RASA2: variants seen among roughly 807,000 people sequenced by gnomAD.
RASA2 encodes the protein ras GTPase-activating protein 2.
RASA2 carries 155 observed loss-of-function variants against 118.2 expected under a neutral mutation model. The observed-to-expected ratio is 1.31, with a 90% CI of 1.15 to 1.50. The LOEUF is 1.50. RASA2 is among the 40% of genes most tolerant of loss of function. The pLI is 0.00. For synonymous variants in RASA2, 353 were observed against 349.1 expected (o/e 1.01, Z -0.12); for missense variants, 1,016 against 1,009.6 (o/e 1.01, Z -0.09).
At chr3:141,527,156 TA>T (rs919086937) in intron 3 of RASA2, among the ~76,000 whole-genome samples, 7 of 152,326 alleles carry the variant, frequency 4.6e-5, no homozygotes, top group African/African-American at 1.7e-4. Context: ...GTCAAACCAA[TA>T]AACTCCTAAA....
intron 15 of RASA2, among the ~76,000 whole-genome samples, chr3:141,578,207 A>G (rs1423700629): frequency 1.3e-5 from 2 of 152,216 alleles, no homozygotes; most frequent in African/African-American, 2.4e-5. Flanking sequence ...TTCCAAGCTC[A>G]CACAACTGAC....
chr3:141,519,725 T>C (rs2082082547), intron 3 of RASA2, among the ~76,000 whole-genome samples: 1 of 152,156 alleles, frequency 6.6e-6, no homozygotes, highest in African/African-American at 2.4e-5. Context: ...TGATTATAGA[T>C]CACCCTTGAA....
chr3:141,538,631 A>T (rs1318052869), intron 4 of RASA2, among the ~76,000 whole-genome samples: 1 of 152,158 alleles, frequency 6.6e-6, no homozygotes, highest in East Asian at 1.9e-4. Flanking sequence ...AATTTCCTTA[A>T]TTTAACTCAT....
chr3:141,566,964 C>T (rs1392410084), intron 9 of RASA2, among the ~76,000 whole-genome samples: 1 of 152,100 alleles, frequency 6.6e-6, no homozygotes, highest in Non-Finnish European at 1.5e-5. Flanking sequence ...TGGGTTCAAA[C>T]AGCAATGCTT....
chr3:141,498,331 G>A (rs1398248874), intron 1 of RASA2, among the ~76,000 whole-genome samples: 1 of 152,206 alleles, frequency 6.6e-6, no homozygotes, highest in Non-Finnish European at 1.5e-5. Flanking sequence ...CTGCCTGTGA[G>A]ATGATATATT....
chr3:141,590,942 A>G (rs2083277313), intron 19 of RASA2, among the ~76,000 whole-genome samples: 1 of 152,238 alleles, frequency 6.6e-6, no homozygotes, highest in African/African-American at 2.4e-5. Flanking sequence ...GCAACTAATC[A>G]GTAGAGTTAA....
chr3:141,562,681 C>CT (rs201152518), intron 9 of RASA2, among the ~76,000 whole-genome samples: 18,974 of 144,754 alleles, frequency 0.13, 1,735 homozygotes, highest in East Asian at 0.24. Flanking sequence ...TAACGTTAAA[C>CT]TTTTTTTTTT....
chr3:141,569,847 A>G lies in RASA2; in HGVS notation c.864-1065A>G, dbSNP rs556747509. On this transcript the variant is annotated intron_variant, in intron 9 of 23. Coordinates refer to ENST00000286364, the MANE Select transcript of RASA2 (RefSeq NM_006506.5). ...ACCATCTTTGTGTTTGTGCATACCC[A>G]GTGTTCAGCTCCCACTTACAAGTGA... 1.1e-4 allele frequency among the ~76,000 whole-genome samples: 17 copies of G among 151,522 alleles called. No homozygotes were observed. In the East Asian group the frequency reaches 2.9e-3, roughly 26 times the overall value.
At chr3:141,521,325 T>C (rs1347802829) in intron 3 of RASA2, among the ~76,000 whole-genome samples, 1 of 151,978 alleles carries the variant, frequency 6.6e-6, no homozygotes, top group Non-Finnish European at 1.5e-5. Flanking sequence ...ATGGGAGAGA[T>C]TAATGTCAGA....
chr3:141,603,889 T>C (rs2083505609), intron 19 of RASA2, among the ~76,000 whole-genome samples: 1 of 152,242 alleles, frequency 6.6e-6, no homozygotes, highest in African/African-American at 2.4e-5. Flanking sequence ...GTTTTGGAGG[T>C]TCATTCATGT....
intron 19 of RASA2, chr3:141,600,501 C>A: frequency 3.1e-6 from 1 of 320,138 alleles, no homozygotes; most frequent in East Asian, 8.9e-5. Flanking sequence ...TCACAGCCTT[C>A]ATGCAGGTGG....
At chr3:141,595,333 A>T (rs2083349657) in intron 19 of RASA2, among the ~76,000 whole-genome samples, 1 of 152,222 alleles carries the variant, frequency 6.6e-6, no homozygotes, top group African/African-American at 2.4e-5. Context: ...AAAAAGCAAG[A>T]TCCAATAATA....
intron 9 of RASA2, among the ~76,000 whole-genome samples, chr3:141,566,422 A>G (rs980661163): frequency 1.3e-5 from 2 of 152,248 alleles, no homozygotes; most frequent in East Asian, 3.8e-4. Context: ...GGAGGTAGAG[A>G]TAAGAGTTAA....
chr3:141,553,728 A>G, intron 5 of RASA2, 129 bp from the exon 6 acceptor site: 1 of 1,443,358 alleles, frequency 6.9e-7, no homozygotes. Context: ...GGTAGTATAT[A>G]GCCATACAAC....
At chr3:141,603,162 C>G (rs758595706) in intron 19 of RASA2, among the ~76,000 whole-genome samples, 38 of 152,082 alleles carry the variant, frequency 2.5e-4, no homozygotes, top group Non-Finnish European at 4.4e-4. Context: ...TTTTATACAC[C>G]CATCTTTCTT....
intron 19 of RASA2, among the ~76,000 whole-genome samples, chr3:141,603,827 A>C (rs2083504288): frequency 6.6e-6 from 1 of 152,212 alleles, no homozygotes; most frequent in African/African-American, 2.4e-5. Flanking sequence ...CATTTCATGT[A>C]CATGGAATCA....
intron 14 of RASA2, among the ~76,000 whole-genome samples, chr3:141,574,680 T>G (rs1302584704): frequency 1.3e-5 from 2 of 152,216 alleles, no homozygotes; most frequent in African/African-American, 4.8e-5. Context: ...ATTATATAAG[T>G]AAGCACTTAT....
In RASA2 at chr3:141,608,687, C is replaced by G. The variant is rs201360260; in HGVS notation, c.2215C>G (p.Pro739Ala). The G allele has an allele frequency of 4.7e-4, 754 of 1,612,736 alleles. 1 individual carries two copies. The highest frequency in any genetic ancestry group is 1.0e-4 in the Non-Finnish European group (121 of 1,178,886). Reference sequence around the variant, plus strand: ...TGGTGAAAACACTCTCGGCTGCAAGCCATGTACTGCGTAAGTTTCTTTCTG... The same window carrying G: ...TGGTGAAAACACTCTCGGCTGCAAGGCATGTACTGCGTAAGTTTCTTTCTG... ...ETGENTLGCK[P>A]CTAGVPADIQ... Residue 739 changes from proline to alanine, a missense_variant, in exon 21 of 24, where the codon CCA becomes GCA. Physicochemically the swap from Pro to Ala is conservative, Grantham distance 27. Transcript: ENST00000286364.
chr3:141,572,027 AACATATATATATATATATATATATAT>A (rs1201635463), intron 11 of RASA2, among the ~76,000 whole-genome samples: 1 of 89,230 alleles, frequency 1.1e-5, no homozygotes, highest in Admixed American at 1.4e-4. Flanking sequence ...TTTTTAAAAA[AACATATATATATATATATATATATAT>A]ATATATATAC....
Sources: allele counts gnomAD v4.1 joint callset (sites outside exome capture counted in the v4.1 genomes callset), GRCh38; gene constraint gnomAD v4.1.1; transcripts MANE v1.5; gene names NCBI Gene and HGNC (gene_info 2026-07-23, HGNC 2026-07-21).